MGAT4A: variants seen among roughly 807,000 people sequenced by gnomAD.
MGAT4A encodes N-acetylglucosaminyltransferase IVa.
MGAT4A carries 33 observed loss-of-function variants against 74.1 expected under a neutral mutation model. The observed-to-expected ratio is 0.45, with a 90% CI of 0.34 to 0.60. MGAT4A has a LOEUF of 0.60. Ranked by LOEUF, MGAT4A falls within the 20% of genes least tolerant of loss-of-function variation. MGAT4A has a pLI of 0.02. For synonymous variants in MGAT4A, 198 were observed against 210.4 expected, an observed-to-expected ratio of 0.94 and a Z score of 0.51; for missense variants, 479 against 628.3, an observed-to-expected ratio of 0.76 and a Z score of 2.54.
chr2:98,695,032 CTTTTTTTTTTT>C (rs551595704), intron 2 of MGAT4A: 1 of 93,382 alleles, frequency 1.1e-5, no homozygotes, highest in East Asian at 3.6e-4. Context: ...GCTAAAATGG[CTTTTTTTTTTT>C]TTTTTTTTTT....
At chr2:98,664,468 G>A (rs867982858) in intron 4 of MGAT4A, among the ~76,000 whole-genome samples, 4 of 152,046 alleles carry the variant, frequency 2.6e-5, no homozygotes, top group Admixed American at 6.6e-5. Flanking sequence ...AAATTAAACC[G>A]AACCATGTAG....
chr2:98,726,311 C>T lies in MGAT4A; in HGVS notation c.22G>A (p.Val8Ile). The T allele has an allele frequency of 6.2e-7, 1 of 1,613,866 alleles. No homozygotes were observed. Among genetic ancestry groups the T allele is most frequent in the Non-Finnish European group, 8.5e-7 (1 of 1,179,800 alleles). ...GTGATAAATGCTAAAGCAGTGGCTA[C>T]AGTTCCATTGCGGAGCCTCATCTCA... is the stretch of plus-strand genomic sequence containing the variant. MRLRNGT[V>I]ATALAFITSF... Residue 8 changes from valine to isoleucine, a missense_variant, in exon 2 of 16, where the codon GTA (valine) becomes ATA (isoleucine). Val to Ile is a conservative substitution (Grantham distance 29, BLOSUM62 3). Transcript: ENST00000393487.
At chr2:98,687,415 G>A (rs1006780718) in intron 2 of MGAT4A, among the ~76,000 whole-genome samples, 1 of 152,106 alleles carries the variant, frequency 6.6e-6, no homozygotes, top group Non-Finnish European at 1.5e-5. Flanking sequence ...CACACACTAT[G>A]GAGTAGCTCT....
chr2:98,684,021 C>T (rs964968055), intron 2 of MGAT4A, among the ~76,000 whole-genome samples: 5 of 152,178 alleles, frequency 3.3e-5, no homozygotes, highest in Non-Finnish European at 7.4e-5. Context: ...GAGTTCTCCA[C>T]AACAACAGGG....
chr2:98,725,947 C>T, intron 2 of MGAT4A: 2 of 406,838 alleles, frequency 4.9e-6, no homozygotes, highest in East Asian at 3.5e-5. Flanking sequence ...AATGCCAAAA[C>T]GAAAGTCTTT....
chr2:98,677,446 T>C (rs1017994710), intron 3 of MGAT4A, among the ~76,000 whole-genome samples: 3 of 152,182 alleles, frequency 2.0e-5, no homozygotes, highest in African/African-American at 7.2e-5. Flanking sequence ...TTTATTCCAC[T>C]GCAATTTAAC....
At chr2:98,664,533 C>G (rs997554708) in intron 4 of MGAT4A, among the ~76,000 whole-genome samples, 5 of 152,198 alleles carry the variant, frequency 3.3e-5, no homozygotes, top group Non-Finnish European at 7.3e-5. Context: ...TGTCTCAGTT[C>G]ACCACAACTA....
At chr2:98,691,139 A>G (rs554052727) in intron 2 of MGAT4A, among the ~76,000 whole-genome samples, 101 of 152,274 alleles carry the variant, frequency 6.6e-4, no homozygotes, top group South Asian at 1.5e-3. Context: ...CCTGCCCCAT[A>G]TATGTCCAGG....
At chr2:98,682,433 A>AG (rs772354621) in intron 2 of MGAT4A, among the ~76,000 whole-genome samples, 96 of 150,886 alleles carry the variant, frequency 6.4e-4, no homozygotes, top group Non-Finnish European at 1.3e-3. Flanking sequence ...AAAAAAAAAA[A>AG]AAAAAAAAAA....
At chr2:98,695,988 C>T (rs1412641505) in intron 2 of MGAT4A, among the ~76,000 whole-genome samples, 1 of 151,510 alleles carries the variant, frequency 6.6e-6, no homozygotes, top group East Asian at 1.9e-4. Context: ...AAGAGATTCT[C>T]CTCCCACCTC....
chr2:98,693,656 T>G (rs1441816889), intron 2 of MGAT4A, among the ~76,000 whole-genome samples: 1 of 146,332 alleles, frequency 6.8e-6, no homozygotes, highest in Admixed American at 7.0e-5. Flanking sequence ...TGTAGTGAGC[T>G]GTGACAGAGT....
intron 14 of MGAT4A, among the ~76,000 whole-genome samples, chr2:98,630,014 C>T (rs1454721475): frequency 1.3e-5 from 2 of 152,170 alleles, no homozygotes; most frequent in South Asian, 4.1e-4. Context: ...CCACTGCACT[C>T]TACCCTGGGC....
At chr2:98,681,712 T>G (rs933983360) in intron 2 of MGAT4A, among the ~76,000 whole-genome samples, 5 of 152,100 alleles carry the variant, frequency 3.3e-5, no homozygotes, top group Admixed American at 3.3e-4. Context: ...TCCCAGCACT[T>G]TGGGAAGCCA....
intron 2 of MGAT4A, among the ~76,000 whole-genome samples, chr2:98,685,064 T>C (rs1305190497): frequency 6.6e-6 from 1 of 151,900 alleles, no homozygotes; most frequent in Non-Finnish European, 1.5e-5. Flanking sequence ...TAGGGAGACC[T>C]TGTCTCTACA....
At chr2:98,656,601 TA>T in intron 6 of MGAT4A, 136 bp from the exon 7 acceptor site, 2 of 565,226 alleles carry the variant, frequency 3.5e-6, no homozygotes, top group East Asian at 6.2e-5. Context: ...CGCAAGGTGT[TA>T]AAAGGAGCAG....
intron 12 of MGAT4A, among the ~76,000 whole-genome samples, chr2:98,639,467 T>C (rs549533646): frequency 1.3e-5 from 2 of 152,234 alleles, no homozygotes; most frequent in Middle Eastern, 3.4e-3. Context: ...GCTAATCAAC[T>C]AGCTCCAGAT....
rs376161399 is a variant in MGAT4A, at chr2:98,675,032, T to C, written c.403+3A>G. 6.7e-5 allele frequency: 108 copies of C among 1,608,304 alleles called. No homozygotes were observed. The highest frequency in any genetic ancestry group is 8.7e-5 in the Non-Finnish European group (102 of 1,178,620). ...ACTGCAGTAAGAAACAAAATAAACA[T>C]ACCTCCTGTTCTTCCGTTGCCAATC... is the stretch of plus-strand genomic sequence containing the variant. On this transcript the variant is annotated splice_donor_region_variant and intron_variant, in intron 4 of 15. Transcript: ENST00000393487.
At chr2:98,713,730 A>G (rs1702550429) in intron 2 of MGAT4A, among the ~76,000 whole-genome samples, 2 of 152,360 alleles carry the variant, frequency 1.3e-5, no homozygotes, top group South Asian at 2.1e-4. Context: ...CACATCTCTC[A>G]GCATACCTTT....
At chr2:98,708,550 C>G (rs900183846) in intron 2 of MGAT4A, among the ~76,000 whole-genome samples, 3 of 152,136 alleles carry the variant, frequency 2.0e-5, no homozygotes, top group South Asian at 2.1e-4. Context: ...CACTTAGTAA[C>G]AAAACAAAGA....
Sources: allele counts gnomAD v4.1 joint callset (sites outside exome capture counted in the v4.1 genomes callset), GRCh38; gene constraint gnomAD v4.1.1; transcripts MANE v1.5; gene names NCBI Gene and HGNC (gene_info 2026-07-23, HGNC 2026-07-21).